The following KCNK9 variants were observed in gnomAD, a reference collection of about 807,000 sequenced individuals.
The protein encoded by KCNK9 is potassium two pore domain channel subfamily K member 9, also known as potassium channel subfamily K member 9.
A neutral mutation model predicts 10.8 loss-of-function variants in KCNK9; 1 was observed. The ratio of observed to expected loss-of-function variants is 0.09; its 90% confidence interval spans 0.03 to 0.44. The LOEUF (loss-of-function observed/expected upper bound fraction) is 0.44, where lower values mean the gene tolerates loss of function less well. KCNK9 is among the 20% of genes least tolerant of loss of function. The probability of loss-of-function intolerance (pLI) is 0.97; values close to 1 mark genes in which losing one functional copy is unlikely to be tolerated. For synonymous variants in KCNK9, 231 were observed against 222.7 expected (o/e 1.04, Z -0.33); for missense variants, 303 against 515.0 (o/e 0.59, Z 3.98).
intron 1 of KCNK9, among the ~76,000 whole-genome samples, chr8:139,663,200 A>G (rs1816208762): frequency 6.6e-6 from 1 of 152,122 alleles, no homozygotes; most frequent in Admixed American, 6.5e-5. Flanking sequence ...CGCCCCACAT[A>G]CACATGCACA....
chr8:139,636,969 G>A (rs11987684), intron 1 of KCNK9, among the ~76,000 whole-genome samples: 17,093 of 152,190 alleles, frequency 0.11, 1,565 homozygotes, highest in African/African-American at 0.25. Context: ...ACAATCAAAG[G>A]CAATGTTTTA....
chr8:139,641,987 G>GAGCC (rs1313806607), intron 1 of KCNK9, among the ~76,000 whole-genome samples: 2 of 152,200 alleles, frequency 1.3e-5, no homozygotes, highest in African/African-American at 4.8e-5. Context: ...TCAGGAAGAG[G>GAGCC]AGCCAGCCAG....
rs111825929 is a variant in KCNK9, at chr8:139,628,875, C to T, written c.284-9776G>A. Reference sequence around the variant, plus strand: ...TTGAGTGAGGCCCCCTCAGGAGAGCCCTAGGGCCCCTTCCTGAGGAAGGCC... The same window carrying T: ...TTGAGTGAGGCCCCCTCAGGAGAGCTCTAGGGCCCCTTCCTGAGGAAGGCC... On this transcript the variant is annotated intron_variant, in intron 1 of 1. Transcript: ENST00000520439. 2.0e-3 allele frequency among the ~76,000 whole-genome samples: 304 copies of T among 152,286 alleles called. 2 individuals carry two copies. Among genetic ancestry groups the T allele is most frequent in the African/African-American group, 7.0e-3 (289 of 41,556 alleles).
At position 139,677,897 on chromosome 8, in the gene KCNK9, G is replaced by C. The variant is rs750985257; in HGVS notation, c.283+24813C>G. The stretch of plus-strand genomic sequence containing the variant: ...GGCTGCAGAGGAATGCCTCACATCT[G>C]AGCCCAATGTGTCCCCACAGCTACA... On this transcript the variant is annotated intron_variant, in intron 1 of 1. Transcript: ENST00000520439. 4.3e-4 allele frequency among the ~76,000 whole-genome samples: 54 copies of C among 124,782 alleles called. 1 individual carries two copies. Among genetic ancestry groups the C allele is most frequent in the African/African-American group, 1.9e-3 (50 of 25,786 alleles). The allele number at this position is 124,782 out of a possible 152,430, so 81.9% of individuals were successfully genotyped here. A position where few individuals can be genotyped will look rare whatever the true frequency, so the allele number is the denominator to read the frequency against.
downstream of KCNK9, among the ~76,000 whole-genome samples, chr8:139,614,674 A>G (rs1814526609): frequency 6.6e-6 from 1 of 152,254 alleles, no homozygotes; most frequent in Non-Finnish European, 1.5e-5. Flanking sequence ...AAAGAGTCTA[A>G]CAGGCTGAAG....
At chr8:139,679,889 G>T (rs569722457) in intron 1 of KCNK9, among the ~76,000 whole-genome samples, 45 of 152,300 alleles carry the variant, frequency 3.0e-4, no homozygotes, top group African/African-American at 1.1e-3. Flanking sequence ...TGCAGCCCAT[G>T]CTTCCCTCAG....
intron 1 of KCNK9, among the ~76,000 whole-genome samples, chr8:139,661,172 A>G (rs2129704797): frequency 6.6e-6 from 1 of 152,296 alleles, no homozygotes. Flanking sequence ...CTTCTACCCC[A>G]TGCTGACCCA....
At chr8:139,697,774 C>G (rs1817098589) in intron 1 of KCNK9, among the ~76,000 whole-genome samples, 1 of 152,112 alleles carries the variant, frequency 6.6e-6, no homozygotes. Context: ...TTGATGTACC[C>G]CAGAATCAGA....
At chr8:139,641,286 C>T (rs563641013) in intron 1 of KCNK9, among the ~76,000 whole-genome samples, 1 of 152,170 alleles carries the variant, frequency 6.6e-6, no homozygotes, top group African/African-American at 2.4e-5. Context: ...GTGCCCTCAC[C>T]GCATGGGGCT....
At position 139,617,938 on chromosome 8, in the gene KCNK9, G is replaced by A. The variant is rs1430679078; in HGVS notation, c.*320C>T. ...GTGGTCTTGGTCTCACATCTGTCCC[G>A]GGAAAACCACTGCAGAGATGATGGG... On this transcript the variant is annotated 3_prime_UTR_variant, in exon 2 of 2. Coordinates refer to ENST00000520439, the MANE Select transcript of KCNK9 (RefSeq NM_001282534.2). 5 of 371,474 alleles carry A rather than the reference G, an allele frequency of 1.3e-5. No individual in the cohort carries two copies. Among genetic ancestry groups the A allele is most frequent in the South Asian group, 4.9e-5 (2 of 41,000 alleles). The allele number at this position is 371,474 out of a possible 1,614,324, so 23.0% of individuals were successfully genotyped here. A position where few individuals can be genotyped will look rare whatever the true frequency, so the allele number is the denominator to read the frequency against.
chr8:139,632,842 A>ATT (rs148378390), intron 1 of KCNK9, among the ~76,000 whole-genome samples: 624 of 152,304 alleles, frequency 4.1e-3, no homozygotes, highest in Non-Finnish European at 7.6e-3. Flanking sequence ...AGCCAATGGC[A>ATT]TTTGGGGGTA....
At chr8:139,642,432 G>A (rs1351874516) in intron 1 of KCNK9, among the ~76,000 whole-genome samples, 1 of 152,228 alleles carries the variant, frequency 6.6e-6, no homozygotes, top group Non-Finnish European at 1.5e-5. Context: ...CAATTTTAAT[G>A]AGCTCAAAAG....
intron 1 of KCNK9, among the ~76,000 whole-genome samples, chr8:139,667,973 T>G (rs955218237): frequency 3.3e-5 from 5 of 152,150 alleles, no homozygotes; most frequent in African/African-American, 7.2e-5. Flanking sequence ...CCTTTTACCA[T>G]TCCTTGCTTT....
At chr8:139,610,235 C>A (rs780805833), downstream of KCNK9, among the ~76,000 whole-genome samples, 5 of 152,210 alleles carry the variant, frequency 3.3e-5, no homozygotes, top group Non-Finnish European at 4.4e-5. Context: ...TCATCTGACA[C>A]CCTCAGAGGA....
intron 1 of KCNK9, among the ~76,000 whole-genome samples, chr8:139,644,380 T>C (rs1219539167): frequency 1.3e-5 from 2 of 152,248 alleles, no homozygotes; most frequent in Non-Finnish European, 2.9e-5. Context: ...TTCTGTTTCA[T>C]TTTTTAATAT....
At position 139,687,553 on chromosome 8, in the gene KCNK9, T is replaced by TGTATAC. The variant is rs1363914305; in HGVS notation, c.283+15156_283+15157insGTATAC. Among the ~76,000 whole-genome samples the TGTATAC allele has an allele frequency of 1.6e-4, 20 of 128,754 alleles. 2 individuals are homozygous for TGTATAC. Among genetic ancestry groups the TGTATAC allele is most frequent in the African/African-American group, 5.6e-4 (18 of 31,964 alleles). The allele number at this position is 128,754 out of a possible 152,430, so 84.5% of individuals were successfully genotyped here. On this transcript the variant is annotated intron_variant, in intron 1 of 1. Transcript: ENST00000520439. Reference sequence around the variant, plus strand: ...ATATATGTATACACATATATTCATATATATGTATACATATATTCATATATA... The same window carrying TGTATAC: ...ATATATGTATACACATATATTCATATGTATACATATGTATACATATATTCATATATA...
At chr8:139,642,318 T>G (rs1035807567) in intron 1 of KCNK9, among the ~76,000 whole-genome samples, 1 of 152,158 alleles carries the variant, frequency 6.6e-6, no homozygotes, top group African/African-American at 2.4e-5. Flanking sequence ...CCAGAGGTCG[T>G]TGCACGAAGA....
At chr8:139,629,263 G>A (rs1040644415) in intron 1 of KCNK9, among the ~76,000 whole-genome samples, 2 of 152,208 alleles carry the variant, frequency 1.3e-5, no homozygotes, top group Non-Finnish European at 2.9e-5. Flanking sequence ...AGATGCATGC[G>A]GGGGCGCCCC....
intron 1 of KCNK9, among the ~76,000 whole-genome samples, chr8:139,692,668 C>A (rs1455939387): frequency 6.6e-6 from 1 of 152,186 alleles, no homozygotes; most frequent in African/African-American, 2.4e-5. Context: ...ACCAGACTCA[C>A]TGGGGAACGT....
Sources: gnomAD v4.1 joint callset for allele counts (sites outside exome capture counted in the v4.1 genomes callset) on GRCh38, gnomAD v4.1.1 for gene constraint, MANE v1.5 for transcripts, NCBI Gene and HGNC (gene_info 2026-07-23, HGNC 2026-07-21) for gene names.